The following TENM4 variants were observed in gnomAD, a reference collection of about 807,000 sequenced individuals.
TENM4 encodes the protein teneurin transmembrane protein 4.
TENM4 carries 82 observed loss-of-function variants against 243.3 expected under a neutral mutation model. That is an observed-to-expected ratio of 0.34 (90% CI 0.28 to 0.40). The LOEUF is 0.40. TENM4 is among the 10% of genes least tolerant of loss of function. The pLI is 1.00. For synonymous variants in TENM4, 1,412 were observed against 1,456.3 expected, an observed-to-expected ratio of 0.97 and a Z score of 0.69; for missense variants, 3,138 against 3,673.3, an observed-to-expected ratio of 0.85 and a Z score of 3.77.
chr11:79,053,196 C>T (rs1212119787), intron 6 of TENM4, among the ~76,000 whole-genome samples: 1 of 152,178 alleles, frequency 6.6e-6, no homozygotes, highest in Non-Finnish European at 1.5e-5. Flanking sequence ...AGAGGCGGGA[C>T]TTGAGGTTCT....
intron 3 of TENM4, among the ~76,000 whole-genome samples, chr11:79,187,654 C>T (rs1863403207): frequency 6.6e-6 from 1 of 152,164 alleles, no homozygotes. Flanking sequence ...CCCCCAGTAC[C>T]TCAGAATCTG....
At chr11:79,096,032 A>G (rs1861067910) in intron 4 of TENM4, 1 of 152,236 alleles carries the variant, frequency 6.6e-6, no homozygotes, top group African/African-American at 2.4e-5. Context: ...CTTCCAGGCA[A>G]CAATGCACAC....
intron 1 of TENM4, among the ~76,000 whole-genome samples, chr11:79,437,009 A>C (rs1250065975): frequency 6.6e-6 from 1 of 152,228 alleles, no homozygotes; most frequent in African/African-American, 2.4e-5. Context: ...GAGGACTTTC[A>C]GTTCCCCAAA....
rs1417908236 is a variant in TENM4 at position 78,967,601 on chromosome 11, GC to G, written c.494-64079del. Among the ~76,000 whole-genome samples, 22 of 152,298 alleles carry G rather than the reference GC, an allele frequency of 1.4e-4. No homozygotes were observed. The Middle Eastern group carries it at 0.01, about 71-fold the overall frequency. On this transcript the variant is annotated intron_variant, in intron 6 of 33. Transcript: ENST00000278550. ...GATGGTGAAAATCCAGATGATCTGA[GC>G]CTGCTTTTTGGGTGGGGCTCAGATG... is the stretch of plus-strand genomic sequence containing the variant.
chr11:78,821,251 AATTT>A lies in TENM4; in HGVS notation c.1682-6860_1682-6857del, dbSNP rs1391616578. 2.0e-5 allele frequency among the ~76,000 whole-genome samples: 3 copies of A among 152,308 alleles called. No homozygotes were observed. The East Asian group carries it at 5.8e-4, about 29-fold the overall frequency. ...TAATTATTTCTTTGGGGACAAACCA[AATTT>A]TACCAATAAGACTGTGAACTCCTTC... is the stretch of plus-strand genomic sequence containing the variant. On this transcript the variant is annotated intron_variant, in intron 12 of 33. Coordinates refer to ENST00000278550, the MANE Select transcript of TENM4 (RefSeq NM_001098816.3).
chr11:79,233,379 G>A (rs1046611246), intron 2 of TENM4, among the ~76,000 whole-genome samples: 4 of 152,174 alleles, frequency 2.6e-5, no homozygotes, highest in African/African-American at 7.2e-5. Flanking sequence ...ACAGAAGATG[G>A]GGGCAGAAAG....
At chr11:78,664,061 A>C (rs1858092273) in intron 32 of TENM4, among the ~76,000 whole-genome samples, 1 of 152,082 alleles carries the variant, frequency 6.6e-6, no homozygotes, top group Non-Finnish European at 1.5e-5. Flanking sequence ...CCAGTGTCCA[A>C]ATTCTGGCTC....
At chr11:79,087,578 A>G (rs1430702313) in intron 4 of TENM4, among the ~76,000 whole-genome samples, 2 of 152,224 alleles carry the variant, frequency 1.3e-5, no homozygotes, top group African/African-American at 4.8e-5. Flanking sequence ...CAAACACAGA[A>G]GCGCTGAAAA....
At chr11:78,986,268 A>G (rs1001020881) in intron 6 of TENM4, among the ~76,000 whole-genome samples, 2 of 152,234 alleles carry the variant, frequency 1.3e-5, no homozygotes, top group African/African-American at 4.8e-5. Context: ...TTAATTTGGC[A>G]GAAGGAAGAA....
chr11:79,425,100 G>A (rs1859020980), intron 1 of TENM4, among the ~76,000 whole-genome samples: 1 of 152,104 alleles, frequency 6.6e-6, no homozygotes, highest in Non-Finnish European at 1.5e-5. Context: ...GTACCCTCCT[G>A]CTTTTCTGTC....
At chr11:78,675,086 C>T (rs187928880) in intron 30 of TENM4, among the ~76,000 whole-genome samples, 4 of 152,016 alleles carry the variant, frequency 2.6e-5, no homozygotes, top group South Asian at 2.1e-4. Flanking sequence ...AGGCTGGTCT[C>T]GAACTCCTGA....
chr11:79,098,997 T>A (rs1861154299), intron 4 of TENM4, among the ~76,000 whole-genome samples: 2 of 152,184 alleles, frequency 1.3e-5, no homozygotes, highest in African/African-American at 4.8e-5. Context: ...CATGTAAAAA[T>A]GGCTTTGCAA....
At position 79,242,411 on chromosome 11, in the gene TENM4, G is replaced by A. The variant is rs114041693; in HGVS notation, c.-264-26502C>T. Among the ~76,000 whole-genome samples, 734 of 152,200 alleles carry A rather than the reference G, an allele frequency of 4.8e-3. 9 individuals are homozygous for A. The highest frequency in any genetic ancestry group is 0.017 in the African/African-American group (706 of 41,524). ...AAATAAAAAACCAGAAAGGTGGAAA[G>A]AAAAGAAGAAAAATCATCCGCAATC... On this transcript the variant is annotated intron_variant, in intron 2 of 33. Transcript: ENST00000278550.
intron 6 of TENM4, among the ~76,000 whole-genome samples, chr11:78,978,697 A>G (rs1484559066): frequency 6.6e-6 from 1 of 152,200 alleles, no homozygotes; most frequent in African/African-American, 2.4e-5. Flanking sequence ...GGGAAAAAAA[A>G]TTAGAGGTTT....
At chr11:78,695,327 G>A (rs965534814) in intron 28 of TENM4, among the ~76,000 whole-genome samples, 5 of 151,798 alleles carry the variant, frequency 3.3e-5, no homozygotes, top group Admixed American at 6.6e-5. Flanking sequence ...TCATTTGAAA[G>A]ATATTTTTAT....
intron 6 of TENM4, among the ~76,000 whole-genome samples, chr11:78,995,493 G>A (rs960526818): frequency 4.6e-5 from 7 of 152,234 alleles, no homozygotes; most frequent in Admixed American, 2.0e-4. Context: ...GGAATTTGAA[G>A]GACCCTTTCA....
intron 6 of TENM4, among the ~76,000 whole-genome samples, chr11:78,926,952 C>T (rs1856567255): frequency 6.6e-6 from 1 of 152,164 alleles, no homozygotes; most frequent in South Asian, 2.1e-4. Context: ...CTTTATGATA[C>T]TGTACATTTT....
intron 4 of TENM4, among the ~76,000 whole-genome samples, chr11:79,121,711 G>A (rs953027153): frequency 2.0e-5 from 3 of 152,156 alleles, no homozygotes; most frequent in African/African-American, 7.2e-5. Context: ...GTTGGCTCAG[G>A]AACCCATCGT....
rs894119274 is a variant in TENM4 at position 78,726,322 on chromosome 11, A to G, written c.3407-100T>C. ...GCCCCTGGCTTATCTTTTGTAGAAG[A>G]GGAAAAAAGGGTCATATTTCTAAGT... is the stretch of plus-strand genomic sequence containing the variant. On this transcript the variant is annotated intron_variant, in intron 22 of 33. Transcript: ENST00000278550. The G allele has an allele frequency of 3.6e-5, 50 of 1,383,860 alleles. 1 individual carries two copies. In the South Asian group the frequency reaches 8.2e-4, roughly 23 times the overall value. The allele number at this position is 1,383,860 out of a possible 1,614,324, so 85.7% of individuals were successfully genotyped here. A position where few individuals can be genotyped will look rare whatever the true frequency, so the allele number is the denominator to read the frequency against.
Sources: allele counts gnomAD v4.1 joint callset (sites outside exome capture counted in the v4.1 genomes callset), GRCh38; gene constraint gnomAD v4.1.1; transcripts MANE v1.5; gene names NCBI Gene and HGNC (gene_info 2026-07-23, HGNC 2026-07-21).